The following KHDRBS2 variants were observed in gnomAD, a reference collection of about 807,000 sequenced individuals.
The protein encoded by KHDRBS2 is KH RNA binding domain containing, signal transduction associated 2.
In KHDRBS2, 26 loss-of-function variants were observed where a neutral mutation model predicts 44.3. The ratio of observed to expected loss-of-function variants is 0.59; its 90% CI spans 0.43 to 0.81. The LOEUF (loss-of-function observed/expected upper bound fraction) is 0.81. KHDRBS2 is among the 40% of genes least tolerant of loss of function. The probability of loss-of-function intolerance (pLI) is 0.00; values close to 1 mark genes in which losing one functional copy is unlikely to be tolerated. For synonymous variants in KHDRBS2, 194 were observed against 151.1 expected (o/e 1.28, Z -2.08); for missense variants, 476 against 433.1 (o/e 1.10, Z -0.88).
intron 6 of KHDRBS2, among the ~76,000 whole-genome samples, chr6:61,820,715 C>G (rs2127251257): frequency 6.6e-6 from 1 of 152,130 alleles, no homozygotes; most frequent in South Asian, 2.1e-4. Context: ...AGACTACAGA[C>G]ATACACAATC....
At chr6:62,222,601 T>C (rs565386360) in intron 1 of KHDRBS2, among the ~76,000 whole-genome samples, 1 of 152,184 alleles carries the variant, frequency 6.6e-6, no homozygotes, top group South Asian at 2.1e-4. Flanking sequence ...AATATGAGAT[T>C]TGAATGGGGA....
chr6:61,893,450 G>T (rs908142558), intron 6 of KHDRBS2, among the ~76,000 whole-genome samples: 7 of 152,270 alleles, frequency 4.6e-5, no homozygotes, highest in African/African-American at 1.7e-4. Flanking sequence ...ACATGCACAC[G>T]TATGTTTATT....
chr6:61,660,818 A>G, the KHDRBS2 span, among the ~76,000 whole-genome samples: 3 of 151,852 alleles, frequency 2.0e-5, no homozygotes, highest in Non-Finnish European at 4.4e-5. Context: ...GGATGAGTAC[A>G]GTCATACTTT....
At chr6:62,065,382 C>T (rs566595583) in intron 2 of KHDRBS2, among the ~76,000 whole-genome samples, 1 of 151,312 alleles carries the variant, frequency 6.6e-6, no homozygotes, top group African/African-American at 2.4e-5. Flanking sequence ...TGGAACCAAC[C>T]CAAATGTCCA....
Position 62,047,901 on chromosome 6 carries a change from C to A in KHDRBS2, c.313G>T (p.Gly105Ter). Residue 105 changes from glycine to a stop codon, truncating the protein, a stop_gained, in exon 3 of 9, where the codon GGA (glycine) becomes TGA (stop). Transcript: ENST00000281156. LOFTEE classifies it high-confidence loss of function. ...TGAKMSILGK[G>*]SMRDKAKEEE... ...ACCTTAGCTTTATCTCTCATTGATCCTTTGCCCAGGATAGACATTTTAGCA... is the reference window on the plus strand; with the variant it reads ...ACCTTAGCTTTATCTCTCATTGATCATTTGCCCAGGATAGACATTTTAGCA... 1 of 1,608,958 alleles carries A rather than the reference C, an allele frequency of 6.2e-7. No homozygotes were observed. Among genetic ancestry groups the A allele is most frequent in the Non-Finnish European group, 8.5e-7 (1 of 1,175,822 alleles).
intron 6 of KHDRBS2, among the ~76,000 whole-genome samples, chr6:61,859,425 A>T (rs73478915): frequency 0.011 from 1,597 of 152,090 alleles, 30 homozygotes; most frequent in African/African-American, 0.037. Flanking sequence ...TAAGAGATAA[A>T]CACGACAAAA....
chr6:61,955,683 T>C (rs531423638), intron 4 of KHDRBS2, among the ~76,000 whole-genome samples: 1 of 125,264 alleles, frequency 8.0e-6, no homozygotes, highest in African/African-American at 3.5e-5. Flanking sequence ...CACATATGTA[T>C]GTATACATAT....
intron 6 of KHDRBS2, among the ~76,000 whole-genome samples, chr6:61,773,041 TG>T (rs955691442): frequency 8.0e-4 from 122 of 152,336 alleles, no homozygotes; most frequent in African/African-American, 2.9e-3. Context: ...AGTCTATCAT[TG>T]TTTGATATTT....
chr6:62,145,543 G>GACC (rs1554435922), intron 2 of KHDRBS2, among the ~76,000 whole-genome samples: 3 of 151,664 alleles, frequency 2.0e-5, no homozygotes, highest in African/African-American at 7.3e-5. Flanking sequence ...GGACCAATGT[G>GACC]ATGTTAAAGT....
Position 61,857,229 on chromosome 6 carries a change from T to C in KHDRBS2, c.810+37406A>G, listed in dbSNP as rs1796280295. 2.0e-5 allele frequency among the ~76,000 whole-genome samples: 3 copies of C among 152,076 alleles called. No homozygotes were observed. In the South Asian group the frequency reaches 6.2e-4, roughly 32 times the overall value. ...ATCAGTAAATGGGAAAATTTTCTGT[T>C]GAATAAATCCTGGATATAATTGCAT... On this transcript the variant is annotated intron_variant, in intron 6 of 8. Transcript: ENST00000281156.
chr6:62,106,245 T>C (rs892445316), intron 2 of KHDRBS2, among the ~76,000 whole-genome samples: 1 of 152,080 alleles, frequency 6.6e-6, no homozygotes, highest in African/African-American at 2.4e-5. Flanking sequence ...TGAAAAAAAA[T>C]GTATATTCTG....
chr6:61,611,331 C>A, the KHDRBS2 span, among the ~76,000 whole-genome samples: 6 of 152,244 alleles, frequency 3.9e-5, no homozygotes, highest in South Asian at 8.3e-4. Flanking sequence ...TACCCAATCA[C>A]CTTATGAAAA....
the KHDRBS2 span, among the ~76,000 whole-genome samples, chr6:61,655,225 TACACAC>T: frequency 1.6e-3 from 229 of 145,248 alleles, no homozygotes; most frequent in East Asian, 3.1e-3. Flanking sequence ...CATACATACA[TACACAC>T]ACACACACAC....
At chr6:61,552,177 T>C in the KHDRBS2 span, among the ~76,000 whole-genome samples, 1 of 152,162 alleles carries the variant, frequency 6.6e-6, no homozygotes, top group Non-Finnish European at 1.5e-5. Context: ...GTTTGTGTCA[T>C]CCCTGATTTC....
At chr6:62,026,491 G>A (rs1783354793) in intron 3 of KHDRBS2, among the ~76,000 whole-genome samples, 1 of 150,624 alleles carries the variant, frequency 6.6e-6, no homozygotes, top group Admixed American at 6.6e-5. Flanking sequence ...GGATGGCAGA[G>A]GCACAATAAT....
the KHDRBS2 span, among the ~76,000 whole-genome samples, chr6:61,647,130 A>C: frequency 6.6e-6 from 1 of 152,114 alleles, no homozygotes; most frequent in African/African-American, 2.4e-5. Context: ...ATATGGTAAA[A>C]ATTTAAATAT....
intron 4 of KHDRBS2, among the ~76,000 whole-genome samples, chr6:61,943,317 G>A (rs1283338654): frequency 3.3e-5 from 5 of 151,550 alleles, no homozygotes; most frequent in East Asian, 1.9e-4. Flanking sequence ...ATGAAAGTAC[G>A]GTAAAGCAAA....
intron 1 of KHDRBS2, among the ~76,000 whole-genome samples, chr6:62,182,370 G>C (rs1469658190): frequency 6.6e-6 from 1 of 152,020 alleles, no homozygotes; most frequent in Non-Finnish European, 1.5e-5. Context: ...CAATGAACAA[G>C]TCCTAGAGAA....
At chr6:61,728,303 G>A (rs570838640) in intron 7 of KHDRBS2, among the ~76,000 whole-genome samples, 1 of 152,114 alleles carries the variant, frequency 6.6e-6, no homozygotes, top group South Asian at 2.1e-4. Flanking sequence ...GGTTGTGGAG[G>A]GAGGGAGGGC....
Sources: allele counts gnomAD v4.1 joint callset (sites outside exome capture counted in the v4.1 genomes callset), GRCh38; gene constraint gnomAD v4.1.1; transcripts MANE v1.5; gene names NCBI Gene and HGNC (gene_info 2026-07-23, HGNC 2026-07-21).